CDC42SE2: variants seen among roughly 807,000 people sequenced by gnomAD.
CDC42SE2 encodes CDC42 small effector 2, also known as CDC42 small effector protein 2.
A neutral mutation model predicts 11.5 loss-of-function variants in CDC42SE2; 3 were observed. The ratio of observed to expected loss-of-function variants is 0.26; its 90% confidence interval spans 0.12 to 0.67. The LOEUF is 0.67. Ranked by LOEUF, CDC42SE2 falls within the 30% of genes least tolerant of loss-of-function variation. The pLI, the probability that CDC42SE2 is intolerant of heterozygous loss-of-function variation, is 0.80. For missense variants in CDC42SE2, 82 were observed against 106.8 expected (o/e 0.77, Z 1.02); for synonymous variants, 33 against 34.8 (o/e 0.95, Z 0.18).
the CDC42SE2 span, among the ~76,000 whole-genome samples, chr5:131,211,460 C>T: frequency 1.3e-5 from 2 of 152,116 alleles, no homozygotes; most frequent in Non-Finnish European, 2.9e-5. Flanking sequence ...TCAGAATGTC[C>T]TAACCTATCA....
At chr5:131,254,097 C>T (rs537180979) in intron 1 of CDC42SE2, among the ~76,000 whole-genome samples, 5 of 152,298 alleles carry the variant, frequency 3.3e-5, no homozygotes, top group African/African-American at 9.6e-5. Flanking sequence ...GGGTTTGTTA[C>T]ATAGGTATAC....
chr5:131,250,664 T>G (rs1756632110), intron 1 of CDC42SE2, among the ~76,000 whole-genome samples: 1 of 152,198 alleles, frequency 6.6e-6, no homozygotes, highest in Admixed American at 6.6e-5. Flanking sequence ...TGATACTATG[T>G]CATTACACAT....
At chr5:131,243,443 G>A (rs567704262), upstream of CDC42SE2, among the ~76,000 whole-genome samples, 12 of 152,214 alleles carry the variant, frequency 7.9e-5, no homozygotes, top group African/African-American at 2.2e-4. Context: ...AAAATTAGCC[G>A]GGCGTGGTGG....
At chr5:131,230,492 G>C in the CDC42SE2 span, among the ~76,000 whole-genome samples, 2 of 152,234 alleles carry the variant, frequency 1.3e-5, no homozygotes, top group African/African-American at 4.8e-5. Context: ...CAGGAAGTCT[G>C]TGCTTCTGAG....
intron 2 of CDC42SE2, among the ~76,000 whole-genome samples, chr5:131,336,560 T>G (rs1003668915): frequency 1.3e-4 from 20 of 152,336 alleles, no homozygotes; most frequent in East Asian, 3.9e-4. Flanking sequence ...ATATCCTGCA[T>G]AGTGTTTTCC....
At chr5:131,282,695 C>A (rs887406263) in intron 1 of CDC42SE2, among the ~76,000 whole-genome samples, 2 of 152,112 alleles carry the variant, frequency 1.3e-5, no homozygotes, top group African/African-American at 4.8e-5. Flanking sequence ...GTGGCGCGAT[C>A]TCGGCTCACT....
chr5:131,338,004 A>G (rs6897798), intron 2 of CDC42SE2, among the ~76,000 whole-genome samples: 18,725 of 152,270 alleles, frequency 0.12, 2,675 homozygotes, highest in African/African-American at 0.35. Context: ...TGAACCCGGT[A>G]TCTCAGTTGG....
At chr5:131,280,976 G>A (rs138253168) in intron 1 of CDC42SE2, among the ~76,000 whole-genome samples, 431 of 152,258 alleles carry the variant, frequency 2.8e-3, no homozygotes, top group Non-Finnish European at 4.0e-3. Flanking sequence ...AAAAATCCTT[G>A]TGGAAGAATT....
In CDC42SE2 at chr5:131,348,567, C is replaced by G. The variant is rs573501164; in HGVS notation, c.-285-10642C>G. Among the ~76,000 whole-genome samples the G allele has an allele frequency of 1.5e-4, 23 of 152,168 alleles. No homozygotes were observed. The South Asian group carries it at 4.4e-3, about 29-fold the overall frequency. On this transcript the variant is annotated intron_variant, in intron 2 of 4. Transcript: ENST00000505065. ...ATATCATGAAAATGGCCGTACTGCC[C>G]AAGGTAATGTATAGATTCAATGCCA...
the CDC42SE2 span, among the ~76,000 whole-genome samples, chr5:131,212,716 C>T: frequency 6.6e-6 from 1 of 152,122 alleles, no homozygotes; most frequent in African/African-American, 2.4e-5. Context: ...TGGGGATTTC[C>T]TTTCTTGTGA....
At chr5:131,377,973 A>G (rs185929362) in intron 3 of CDC42SE2, among the ~76,000 whole-genome samples, 6 of 152,346 alleles carry the variant, frequency 3.9e-5, no homozygotes, top group Admixed American at 6.5e-5. Flanking sequence ...TTCAACAGTC[A>G]TTTATTGTCT....
chr5:131,262,532 C>T (rs1228777053), upstream of CDC42SE2, among the ~76,000 whole-genome samples: 1 of 151,884 alleles, frequency 6.6e-6, no homozygotes, highest in African/African-American at 2.4e-5. Context: ...ACAAAAATCC[C>T]AGCTTCTACT....
chr5:131,317,648 G>C lies in CDC42SE2; in HGVS notation c.-286+1504G>C, dbSNP rs531914492. 2.6e-5 allele frequency among the ~76,000 whole-genome samples: 4 copies of C among 151,628 alleles called. No individual in the cohort carries two copies. In the East Asian group the frequency reaches 5.8e-4, roughly 22 times the overall value. On this transcript the variant is annotated intron_variant, in intron 2 of 4. Transcript: ENST00000505065. Reference sequence around the variant, plus strand: ...ATTTTTTTTTTTTGACCTGGCTCTAGATATAAATGTTTCTTTCTATCTTTT... The same window carrying C: ...ATTTTTTTTTTTTGACCTGGCTCTACATATAAATGTTTCTTTCTATCTTTT...
intron 2 of CDC42SE2, among the ~76,000 whole-genome samples, chr5:131,352,113 G>T (rs148905881): frequency 6.6e-6 from 1 of 152,314 alleles, no homozygotes; most frequent in African/African-American, 2.4e-5. Flanking sequence ...CCACTAGGAT[G>T]ACTAGAATTA....
chr5:131,349,246 A>G (rs1188084514), intron 2 of CDC42SE2, among the ~76,000 whole-genome samples: 1 of 150,856 alleles, frequency 6.6e-6, no homozygotes, highest in African/African-American at 2.4e-5. Flanking sequence ...TCGCAAGGAC[A>G]GAAAACCAGA....
chr5:131,304,906 A>G (rs1320245134), intron 1 of CDC42SE2, among the ~76,000 whole-genome samples: 6 of 152,182 alleles, frequency 3.9e-5, no homozygotes, highest in East Asian at 1.9e-4. Flanking sequence ...ATATATTTCA[A>G]GTGTTCAGCT....
chr5:131,337,485 C>G (rs182231040), intron 2 of CDC42SE2, among the ~76,000 whole-genome samples: 2 of 152,328 alleles, frequency 1.3e-5, no homozygotes, highest in Admixed American at 1.3e-4. Flanking sequence ...AACCACTACT[C>G]TCTTCAAAGC....
chr5:131,217,028 A>T, the CDC42SE2 span, among the ~76,000 whole-genome samples: 1,559 of 152,314 alleles, frequency 0.01, 18 homozygotes, highest in African/African-American at 0.035. Flanking sequence ...GCTGCCTGAG[A>T]TCTATTCTTG....
intron 1 of CDC42SE2, among the ~76,000 whole-genome samples, chr5:131,264,491 A>AC (rs61561892): frequency 0.028 from 3,001 of 108,586 alleles, 40 homozygotes; most frequent in African/African-American, 0.039. Flanking sequence ...GGAAAGGCAG[A>AC]CCCCCCCCCT....
Sources: allele counts gnomAD v4.1 joint callset (sites outside exome capture counted in the v4.1 genomes callset), GRCh38; gene constraint gnomAD v4.1.1; transcripts MANE v1.5; gene names NCBI Gene and HGNC (gene_info 2026-07-23, HGNC 2026-07-21).